The following ANO4 variants were observed in gnomAD, a reference collection of about 807,000 sequenced individuals.
The protein encoded by ANO4 is anoctamin-4.
ANO4 carries 69 observed loss-of-function variants against 141.9 expected under a neutral mutation model. The observed-to-expected ratio is 0.49, with a 90% CI of 0.40 to 0.59. The LOEUF (loss-of-function observed/expected upper bound fraction) is 0.59, where lower values mean the gene tolerates loss of function less well. Among genes scored for constraint, ANO4 ranks in the 20% least tolerant of loss-of-function variants. The pLI is 0.00. For synonymous variants in ANO4, 350 were observed against 394.3 expected, an observed-to-expected ratio of 0.89 and a Z score of 1.33; for missense variants, 894 against 1,162.2, an observed-to-expected ratio of 0.77 and a Z score of 3.36.
intron 2 of ANO4, among the ~76,000 whole-genome samples, chr12:100,913,900 C>A (rs1478227780): frequency 6.6e-6 from 1 of 152,154 alleles, no homozygotes; most frequent in Non-Finnish European, 1.5e-5. Flanking sequence ...TTATCTCAAG[C>A]CCTTCATGTA....
At chr12:100,972,957 A>G (rs2043996657) in intron 6 of ANO4, among the ~76,000 whole-genome samples, 1 of 152,240 alleles carries the variant, frequency 6.6e-6, no homozygotes, top group South Asian at 2.1e-4. Context: ...ACACTTCTGC[A>G]TGCCTACTAC....
chr12:100,817,937 A>T (rs2035824918), intron 1 of ANO4, among the ~76,000 whole-genome samples: 1 of 151,824 alleles, frequency 6.6e-6, no homozygotes, highest in African/African-American at 2.4e-5. Context: ...CCTGGAATTC[A>T]TTACCTATAA....
chr12:101,026,881 G>A (rs775936739), intron 9 of ANO4, among the ~76,000 whole-genome samples: 1 of 152,108 alleles, frequency 6.6e-6, no homozygotes, highest in Non-Finnish European at 1.5e-5. Context: ...GGATAACCTA[G>A]ACTTCAAAAT....
intron 1 of ANO4, among the ~76,000 whole-genome samples, chr12:100,843,386 A>G (rs1330835841): frequency 6.6e-6 from 1 of 152,166 alleles, no homozygotes; most frequent in Admixed American, 6.5e-5. Context: ...GTAACTCTGT[A>G]AAAATATTTC....
At chr12:100,963,486 G>A (rs966924522) in intron 5 of ANO4, among the ~76,000 whole-genome samples, 1 of 151,956 alleles carries the variant, frequency 6.6e-6, no homozygotes, top group African/African-American at 2.4e-5. Flanking sequence ...CTGTGTGTGT[G>A]TGTCTGTGTG....
chr12:101,005,740 G>A lies in ANO4; in HGVS notation c.735-14294G>A, dbSNP rs147687309. Among the ~76,000 whole-genome samples the A allele has an allele frequency of 2.8e-3, 424 of 152,210 alleles. 4 individuals carry two copies. The highest frequency in any genetic ancestry group is 9.5e-3 in the African/African-American group (394 of 41,534). On this transcript the variant is annotated intron_variant, in intron 8 of 27. Transcript: ENST00000392977. ...TTTGATGGAACCTTATATATAAATA[G>A]ATAATTTTAGTATATGTGAATTCTA...
intron 5 of ANO4, among the ~76,000 whole-genome samples, chr12:100,950,130 A>G (rs1273793600): frequency 6.6e-6 from 1 of 152,092 alleles, no homozygotes; most frequent in Non-Finnish European, 1.5e-5. Flanking sequence ...CCCTTCCTTC[A>G]CAGTTGAAAA....
At chr12:100,791,153 C>T (rs571863605), upstream of ANO4, among the ~76,000 whole-genome samples, 87 of 151,990 alleles carry the variant, frequency 5.7e-4, no homozygotes, top group East Asian at 0.013. Flanking sequence ...CTGAGGCAGG[C>T]GGATTGCCTG....
intron 2 of ANO4, among the ~76,000 whole-genome samples, chr12:100,904,200 G>A (rs2040732482): frequency 6.6e-6 from 1 of 152,146 alleles, no homozygotes; most frequent in Non-Finnish European, 1.5e-5. Flanking sequence ...TTTTCTGCCT[G>A]CCTTTCTTTC....
At chr12:101,110,276 G>A in intron 22 of ANO4, 128 bp from the exon 23 acceptor site, 1 of 957,930 alleles carries the variant, frequency 1.0e-6, no homozygotes, top group Non-Finnish European at 1.4e-6. Flanking sequence ...TTCTGGAAGA[G>A]ATATCCCCTG....
At chr12:100,746,185 G>A (rs1301690191) in intron 3 of ANO4, among the ~76,000 whole-genome samples, 1 of 152,202 alleles carries the variant, frequency 6.6e-6, no homozygotes, top group African/African-American at 2.4e-5. Flanking sequence ...TGGGCATGGT[G>A]GCTCACGCCT....
At chr12:101,037,819 G>A (rs1283111018) in intron 10 of ANO4, among the ~76,000 whole-genome samples, 1 of 152,128 alleles carries the variant, frequency 6.6e-6, no homozygotes, top group Non-Finnish European at 1.5e-5. Context: ...CCCCTACTGT[G>A]GTCACTATAT....
At chr12:100,718,732 C>T (rs1197106909) in intron 1 of ANO4, among the ~76,000 whole-genome samples, 1 of 152,166 alleles carries the variant, frequency 6.6e-6, no homozygotes, top group Non-Finnish European at 1.5e-5. Context: ...AACCCCCTTC[C>T]CCCGTGCTCA....
intron 4 of ANO4, among the ~76,000 whole-genome samples, chr12:100,941,964 ATT>A (rs2042539081): frequency 3.1e-5 from 2 of 64,248 alleles, no homozygotes; most frequent in African/African-American, 1.1e-4. Flanking sequence ...AAAAATTATT[ATT>A]ATTATTATTA....
At chr12:100,867,477 A>G (rs2038806364) in intron 1 of ANO4, among the ~76,000 whole-genome samples, 1 of 152,094 alleles carries the variant, frequency 6.6e-6, no homozygotes, top group Non-Finnish European at 1.5e-5. Flanking sequence ...TTAGTTCTTC[A>G]TTATTCAGTC....
chr12:100,855,885 A>T (rs953479164), intron 1 of ANO4, among the ~76,000 whole-genome samples: 2 of 152,200 alleles, frequency 1.3e-5, no homozygotes, highest in Non-Finnish European at 2.9e-5. Context: ...GAAATCAAGG[A>T]TATAGATATA....
chr12:101,125,635 T>G (rs2051281224), intron 26 of ANO4, among the ~76,000 whole-genome samples: 1 of 152,200 alleles, frequency 6.6e-6, no homozygotes, highest in African/African-American at 2.4e-5. Flanking sequence ...ATTGAGATAA[T>G]CATGTGGTTT....
intron 1 of ANO4, among the ~76,000 whole-genome samples, chr12:100,719,277 G>A (rs2114919): frequency 0.88 from 134,288 of 152,236 alleles, 59,372 homozygotes; most frequent in East Asian, 1. Flanking sequence ...CAAATTCCAC[G>A]TTAATTCTTA....
chr12:100,894,594 C>T (rs973133335), intron 1 of ANO4, among the ~76,000 whole-genome samples: 2 of 152,102 alleles, frequency 1.3e-5, no homozygotes, highest in Non-Finnish European at 2.9e-5. Flanking sequence ...ACCTCTTCCG[C>T]ATGTATACCT....
Sources: allele counts gnomAD v4.1 joint callset (sites outside exome capture counted in the v4.1 genomes callset), GRCh38; gene constraint gnomAD v4.1.1; transcripts MANE v1.5; gene names NCBI Gene and HGNC (gene_info 2026-07-23, HGNC 2026-07-21).